Variants in CLEC5A observed in about 807,000 individuals in gnomAD.
The protein encoded by CLEC5A is C-type lectin domain containing 5A.
CLEC5A carries 15 observed loss-of-function variants against 24.4 expected under a neutral mutation model. That is an observed-to-expected ratio of 0.62 (90% CI 0.41 to 0.95). CLEC5A has a LOEUF of 0.95. Among genes scored for constraint, CLEC5A ranks in the 40% least tolerant of loss-of-function variants. The pLI is 0.00. For missense variants in CLEC5A, 211 were observed against 224.0 expected (o/e 0.94, Z 0.37); for synonymous variants, 71 against 72.6 (o/e 0.98, Z 0.11).
At chr7:141,946,428 C>G in intron 1 of CLEC5A, 116 bp from the exon 2 acceptor site, 1 of 885,778 alleles carries the variant, frequency 1.1e-6, no homozygotes, top group East Asian at 2.7e-5. Context: ...GGAAGACAGG[C>G]ATGACATTGA....
Position 141,943,963 on chromosome 7 carries a change from G to T in CLEC5A, c.141C>A (p.Val47=). The change falls in exon 4 of 7, where the codon GTC becomes GTA. Residue 47 remains valine, a splice_region_variant and synonymous_variant. Coordinates refer to ENST00000546910, the MANE Select transcript of CLEC5A (RefSeq NM_013252.3). The part of the protein sequence containing the change: ...GFTTTRSYGT[V]SQIFGSSSPS... ...GGGAACTGCTCCCAAAAATCTGTGAGACTAAAGTGAAAAGTAAACCTAAAG... is the reference window on the plus strand; with the variant it reads ...GGGAACTGCTCCCAAAAATCTGTGATACTAAAGTGAAAAGTAAACCTAAAG... The T allele has an allele frequency of 1.3e-6, 2 of 1,596,574 alleles. No individual in the cohort carries two copies. Among genetic ancestry groups the T allele is most frequent in the South Asian group, 1.1e-5 (1 of 90,688 alleles).
rs143003213 is a variant in CLEC5A, at chr7:141,946,312, C to T, written c.-20G>A. ...GTTCATGATGAAGGAGCTGCAGGGG[C>T]CTGTGAAGATTAGAGCACAGCAGCA... On this transcript the variant is annotated splice_region_variant and 5_prime_UTR_variant, in exon 2 of 7. Transcript: ENST00000546910. 6 of 1,557,602 alleles carry T rather than the reference C, an allele frequency of 3.9e-6. No homozygotes were observed. The South Asian group carries it at 7.1e-5, about 18-fold the overall frequency.
At chr7:141,939,377 A>G (rs1200124837) in intron 4 of CLEC5A, among the ~76,000 whole-genome samples, 1 of 152,174 alleles carries the variant, frequency 6.6e-6, no homozygotes, top group African/African-American at 2.4e-5. Context: ...ATAATGGGCT[A>G]TAAGATAGTA....
chr7:141,945,238 A>G (rs781970058), intron 3 of CLEC5A, 103 bp downstream of exon 3: 6 of 858,718 alleles, frequency 7.0e-6, no homozygotes, highest in Non-Finnish European at 1.0e-5. Flanking sequence ...GACCCTTTGT[A>G]CAAAAGAATT....
At chr7:141,936,012 A>G in intron 4 of CLEC5A, 62 bp from the exon 5 acceptor site, 2 of 1,362,116 alleles carry the variant, frequency 1.5e-6, no homozygotes, top group Non-Finnish European at 2.1e-6. Context: ...TCCTGCAACT[A>G]AGTCATGAAA....
chr7:141,939,380 A>C (rs541261599), intron 4 of CLEC5A, among the ~76,000 whole-genome samples: 1 of 152,288 alleles, frequency 6.6e-6, no homozygotes, highest in South Asian at 2.1e-4. Context: ...ATGGGCTATA[A>C]GATAGTATTT....
intron 4 of CLEC5A, among the ~76,000 whole-genome samples, chr7:141,940,784 G>C (rs1554441560): frequency 6.6e-6 from 1 of 151,852 alleles, no homozygotes; most frequent in African/African-American, 2.4e-5. Flanking sequence ...AGAATCATTA[G>C]TGACTGCTAT....
chr7:141,929,892 T>C lies in CLEC5A; in HGVS notation c.*212A>G, dbSNP rs890047142. On this transcript the variant is annotated 3_prime_UTR_variant, in exon 7 of 7. Coordinates refer to ENST00000546910, the MANE Select transcript of CLEC5A (RefSeq NM_013252.3). The stretch of plus-strand genomic sequence containing the variant: ...GTACTACAGAAGCGGACCTCATCTC[T>C]ATACTAACTGAGTTGTTTCCGTAAA... The C allele has an allele frequency of 5.4e-5, 29 of 541,020 alleles. No homozygotes were observed. Among genetic ancestry groups the C allele is most frequent in the African/African-American group, 5.0e-4 (26 of 52,134 alleles). The allele number at this position is 541,020 out of a possible 1,614,324, so 33.5% of individuals were successfully genotyped here.
intron 5 of CLEC5A, among the ~76,000 whole-genome samples, chr7:141,933,833 C>T (rs1355304998): frequency 1.3e-5 from 2 of 151,952 alleles, no homozygotes; most frequent in Non-Finnish European, 2.9e-5. Flanking sequence ...GCTCAGCATG[C>T]ATTCATGCCC....
intron 4 of CLEC5A, among the ~76,000 whole-genome samples, chr7:141,941,978 A>ACCTT (rs1802806532): frequency 6.6e-6 from 1 of 152,008 alleles, no homozygotes; most frequent in African/African-American, 2.4e-5. Flanking sequence ...TGGAAGAATC[A>ACCTT]ATATTGTTAA....
rs1554439946 is a variant in CLEC5A at position 141,929,188 on chromosome 7, C to T, written c.*916G>A. 2 of 152,196 alleles carry T rather than the reference C, an allele frequency of 1.3e-5. No homozygotes were observed. The highest frequency in any genetic ancestry group is 2.9e-5 in the Non-Finnish European group (2 of 68,082). The allele number at this position is 152,196 out of a possible 1,614,324, so 9.4% of individuals were successfully genotyped here. ...ATGTGATGCCAATCAGTGCCAGGCTCCTTGGGGTCAGTAGGCTGTGCCTGG... is the reference window on the plus strand; with the variant it reads ...ATGTGATGCCAATCAGTGCCAGGCTTCTTGGGGTCAGTAGGCTGTGCCTGG... On this transcript the variant is annotated 3_prime_UTR_variant, in exon 7 of 7. Coordinates refer to ENST00000546910, the MANE Select transcript of CLEC5A (RefSeq NM_013252.3).
At chr7:141,940,714 C>T (rs1235594826) in intron 4 of CLEC5A, among the ~76,000 whole-genome samples, 1 of 149,490 alleles carries the variant, frequency 6.7e-6, no homozygotes, top group Non-Finnish European at 1.5e-5. Context: ...AGAGATGACC[C>T]AAATTAATAA....
chr7:141,945,354 C>T lies in CLEC5A; in HGVS notation c.126G>A (p.Arg42=). ...CATGCAGATTACCTGTTCCATAGCT[C>T]CTGGTGGTGGTGAAACCATCGTTAC... The part of the protein sequence containing the change: ...NKSNDGFTTT[R]SYGTVSQIFG... The change falls in exon 3 of 7, where the codon AGG becomes AGA. Residue 42 remains arginine, a synonymous_variant. Transcript: ENST00000546910. 6.2e-7 allele frequency: 1 copy of T among 1,611,994 alleles called. No individual in the cohort carries two copies. Among genetic ancestry groups the T allele is most frequent in the South Asian group, 1.1e-5 (1 of 91,048 alleles).
chr7:141,933,903 T>A (rs995126761), intron 5 of CLEC5A, among the ~76,000 whole-genome samples: 1 of 151,932 alleles, frequency 6.6e-6, no homozygotes, highest in Admixed American at 6.6e-5. Context: ...GCTGCGCAGC[T>A]GTGAATGGGA....
rs1802346416 is a variant in CLEC5A, at chr7:141,927,954, G to A, written c.*2150C>T. On this transcript the variant is annotated 3_prime_UTR_variant, in exon 7 of 7. Transcript: ENST00000546910. The stretch of plus-strand genomic sequence containing the variant: ...TAGGTATTACTACCCCATTTTATCA[G>A]TAAGGAAATTAAGACCAAGAAAGGG... 6.6e-6 allele frequency: 1 copy of A among 152,122 alleles called. No homozygotes were observed. Among genetic ancestry groups the A allele is most frequent in the Admixed American group, 6.5e-5 (1 of 15,282 alleles). The allele number at this position is 152,122 out of a possible 1,614,324, so 9.4% of individuals were successfully genotyped here. A position where few individuals can be genotyped will look rare whatever the true frequency, so the allele number is the denominator to read the frequency against.
chr7:141,936,334 A>AC, intron 4 of CLEC5A: 1 of 264,128 alleles, frequency 3.8e-6, no homozygotes, highest in African/African-American at 2.3e-5. Context: ...TGCTGACACC[A>AC]CCCCCACCCT....
intron 5 of CLEC5A, among the ~76,000 whole-genome samples, chr7:141,932,118 G>A (rs1802487570): frequency 1.3e-5 from 2 of 152,164 alleles, no homozygotes; most frequent in Non-Finnish European, 2.9e-5. Flanking sequence ...TGATACTGAT[G>A]TTTCTGTCCA....
At position 141,927,486 on chromosome 7, in the gene CLEC5A, C is replaced by T. The variant is rs1027470241; in HGVS notation, c.*2618G>A. ...ATTGCATCAGTTAGATTTTGCTATACGAGAGATAACCAGAAAACTCCAGTG... is the reference window on the plus strand; with the variant it reads ...ATTGCATCAGTTAGATTTTGCTATATGAGAGATAACCAGAAAACTCCAGTG... On this transcript the variant is annotated 3_prime_UTR_variant, in exon 7 of 7. Coordinates refer to ENST00000546910, the MANE Select transcript of CLEC5A (RefSeq NM_013252.3). 7.2e-5 allele frequency: 11 copies of T among 152,272 alleles called. No individual in the cohort carries two copies. In the East Asian group the frequency reaches 7.7e-4, roughly 11 times the overall value. 9.4% of individuals were successfully genotyped at this position (152,272 alleles called of 1,614,324 possible).
chr7:141,935,778 G>T, intron 5 of CLEC5A, 36 bp downstream of exon 5: 2 of 1,606,094 alleles, frequency 1.2e-6, no homozygotes, highest in Non-Finnish European at 1.7e-6. Context: ...GCTGTGTGGA[G>T]TGTGTGGCTT....
Sources: allele counts gnomAD v4.1 joint callset (sites outside exome capture counted in the v4.1 genomes callset), GRCh38; gene constraint gnomAD v4.1.1; transcripts MANE v1.5; gene names NCBI Gene and HGNC (gene_info 2026-07-23, HGNC 2026-07-21).